ABTB1: variants seen among roughly 807,000 people sequenced by gnomAD.
ABTB1 encodes the protein ankyrin repeat and BTB domain containing 1, also known as ankyrin repeat and BTB/POZ domain-containing protein 1.
Under a neutral mutation model 57.1 loss-of-function variants are expected in ABTB1, and 45 were observed. The observed-to-expected ratio is 0.79, with a 90% CI of 0.62 to 1.01. ABTB1 has a LOEUF of 1.01. ABTB1 is among the 50% of genes least tolerant of loss of function. The pLI, the probability that ABTB1 is intolerant of heterozygous loss-of-function variation, is 0.00. For missense variants in ABTB1, 630 were observed against 666.3 expected (o/e 0.95, Z 0.60); for synonymous variants, 302 against 275.4 (o/e 1.10, Z -0.95).
intron 10 of ABTB1, chr3:127,678,318 G>A (rs1159640146): frequency 1.6e-4 from 5 of 30,450 alleles, no homozygotes; most frequent in Admixed American, 1.1e-3. Flanking sequence ...GTGTGTGTGT[G>A]CGTGCGCGTG....
In ABTB1 at chr3:127,673,101, G is replaced by C. The variant is rs2074885173; in HGVS notation, c.56+20G>C. ...AGTGCGGTGAGGACCTCGCAGTCCC[G>C]GGGAGGGTGCGGGAGGTGGCCGCCC... On this transcript the variant is annotated intron_variant, in intron 1 of 11. Transcript: ENST00000232744. 2 of 1,536,452 alleles carry C rather than the reference G, an allele frequency of 1.3e-6. No individual in the cohort carries two copies. Among genetic ancestry groups the C allele is most frequent in the South Asian group, 2.4e-5 (2 of 83,616 alleles).
At chr3:127,673,186 T>G in intron 1 of ABTB1, 105 bp downstream of exon 1, 2 of 1,254,178 alleles carry the variant, frequency 1.6e-6, no homozygotes, top group Non-Finnish European at 2.1e-6. Flanking sequence ...CGGGCGCCTC[T>G]GCCGGGTCAC....
rs745514156 is a variant in ABTB1 at position 127,680,740 on chromosome 3, G to A, written c.*265G>A. On this transcript the variant is annotated 3_prime_UTR_variant, in exon 12 of 12. Transcript: ENST00000232744. Reference sequence around the variant, plus strand: ...ACTCAGGGAAACCTGGGGTGGGGGTGGGCTTTGGTCTTAGCACTTTCCTTC... The same window carrying A: ...ACTCAGGGAAACCTGGGGTGGGGGTAGGCTTTGGTCTTAGCACTTTCCTTC... The A allele has an allele frequency of 1.6e-5, 11 of 672,966 alleles. No individual in the cohort carries two copies. Among genetic ancestry groups the A allele is most frequent in the African/African-American group, 7.2e-5 (4 of 55,772 alleles). The allele number at this position is 672,966 out of a possible 1,614,324, so 41.7% of individuals were successfully genotyped here.
rs1287853857 is a variant in ABTB1, at chr3:127,680,565, G to A, written c.*90G>A. On this transcript the variant is annotated 3_prime_UTR_variant, in exon 12 of 12. Transcript: ENST00000232744. The stretch of plus-strand genomic sequence containing the variant: ...TGTGCAGCTCTTCTTCCTGCTCCCT[G>A]CACATTGAGGGCTTCATGGGGGGTG... The A allele has an allele frequency of 2.0e-6, 3 of 1,482,100 alleles. No homozygotes were observed. The highest frequency in any genetic ancestry group is 4.5e-5 in the East Asian group (2 of 44,238). 91.8% of individuals were successfully genotyped at this position (1,482,100 alleles called of 1,614,324 possible). A position where few individuals can be genotyped will look rare whatever the true frequency, so the allele number is the denominator to read the frequency against.
rs912361129 is a variant in ABTB1 at position 127,677,678 on chromosome 3, C to G, written c.864C>G (p.Ala288=). The G allele has an allele frequency of 1.2e-6, 2 of 1,611,148 alleles. No homozygotes were observed. The highest frequency in any genetic ancestry group is 1.7e-6 in the Non-Finnish European group (2 of 1,178,738). The change falls in exon 10 of 12, where the codon GCC becomes GCG. Residue 288 remains alanine (A), a splice_region_variant and synonymous_variant. Coordinates refer to ENST00000232744, the MANE Select transcript of ABTB1 (RefSeq NM_172027.3). ...TTCCTGAGCCCGGCCTCCCCCAGGC[C>G]TTTTTCTGTGGCCGCAGTGACTACT... ...VAGCSFLCHK[A]FFCGRSDYFR... is the part of the protein sequence containing the mutation.
chr3:127,680,275 G>T lies in ABTB1; in HGVS notation c.1237G>T (p.Glu413Ter). ...YMAKVIEKLV[E>*]REDFVEAVKE... is the part of the protein sequence containing the mutation. ...TGGCCCTTCCCGCTCATAGCTGGTG[G>T]AGCGGGAGGACTTCGTGGAGGCGGT... Residue 413 changes from glutamate to a stop codon, truncating the protein, a stop_gained, in exon 12 of 12, where the codon GAG (glutamate) becomes TAG (stop). Coordinates refer to ENST00000232744, the MANE Select transcript of ABTB1 (RefSeq NM_172027.3). LOFTEE classifies it high-confidence loss of function. 2 of 1,613,482 alleles carry T rather than the reference G, an allele frequency of 1.2e-6. No homozygotes were observed. Among genetic ancestry groups the T allele is most frequent in the Admixed American group, 3.3e-5 (2 of 59,980 alleles).
rs955030968 is a variant in ABTB1 at position 127,674,200 on chromosome 3, C to T, written c.57-191C>T. 1.2e-5 allele frequency: 8 copies of T among 657,116 alleles called. No homozygotes were observed. In the African/African-American group the frequency reaches 1.3e-4, roughly 10 times the overall value. The allele number at this position is 657,116 out of a possible 1,614,324, so 40.7% of individuals were successfully genotyped here. A position where few individuals can be genotyped will look rare whatever the true frequency, so the allele number is the denominator to read the frequency against. On this transcript the variant is annotated intron_variant, in intron 1 of 11. Coordinates refer to ENST00000232744, the MANE Select transcript of ABTB1 (RefSeq NM_172027.3). ...AGCACACAGTGTCTGCCTGTTCGAC[C>T]CCACCTCCACATCCTTGCCTGCACT...
Position 127,676,013 on chromosome 3 carries a change from C to G in ABTB1, c.219C>G (p.Leu73=). 2 of 1,612,692 alleles carry G rather than the reference C, an allele frequency of 1.2e-6. No homozygotes were observed. The highest frequency in any genetic ancestry group is 1.1e-5 in the South Asian group (1 of 91,016). The part of the protein sequence containing the change: ...EANTFDGERC[L]YGALSDPIRR... ...ACACCTTCGATGGTGAGCGCTGCCT[C>G]TATGGGGCACTGAGTGACCCCATCC... Residue 73 remains leucine, a synonymous_variant, in exon 4 of 12, where the codon CTC becomes CTG. Transcript: ENST00000232744. This position sits in a 1 kb window ranked among gnomAD's most constrained non-coding sequence, Gnocchi z 5.4.
Position 127,677,088 on chromosome 3 carries a change from G to A in ABTB1, c.643+5G>A, listed in dbSNP as rs1045484265. ...GCGAGAAGGTGTCTGAGTTTGGTGC[G>A]AGCAGGGTTTGGGGCCCGGGGCCAT... On this transcript the variant is annotated splice_donor_5th_base_variant and intron_variant, in intron 7 of 11. Coordinates refer to ENST00000232744, the MANE Select transcript of ABTB1 (RefSeq NM_172027.3). The A allele has an allele frequency of 6.2e-7, 1 of 1,614,012 alleles. No individual in the cohort carries two copies. Among genetic ancestry groups the A allele is most frequent in the Non-Finnish European group, 8.5e-7 (1 of 1,179,954 alleles).
At chr3:127,674,145 C>T (rs748283145) in intron 1 of ABTB1, 8 of 550,812 alleles carry the variant, frequency 1.5e-5, no homozygotes, top group Non-Finnish European at 2.6e-5. Context: ...TGGCTTCTGT[C>T]CCTGTAGCCC....
At chr3:127,675,638 AGAGTAT>A in intron 3 of ABTB1, 1 of 334,720 alleles carries the variant, frequency 3.0e-6, no homozygotes, top group Non-Finnish European at 5.7e-6. Flanking sequence ...CTGCCTCACT[AGAGTAT>A]AAGTTCAGCA....
intron 3 of ABTB1, 84 bp from the exon 4 acceptor site, chr3:127,675,886 T>C: frequency 1.3e-6 from 2 of 1,530,728 alleles, no homozygotes; most frequent in Non-Finnish European, 1.8e-6. Flanking sequence ...GCCCCATGTG[T>C]GGGAAGGTGG....
Position 127,677,180 on chromosome 3 carries a change from C to T in ABTB1, c.656C>T (p.Pro219Leu), listed in dbSNP as rs996931934. ...TCTTCCCCTGTAGTGGCGTCTAAGCCAGGCACGTGTGTGAAGGTGCTGACC... is the reference window on the plus strand; with the variant it reads ...TCTTCCCCTGTAGTGGCGTCTAAGCTAGGCACGTGTGTGAAGGTGCTGACC... ...EKVSEFVASK[P>L]GTCVKVLTIE... The change falls in exon 8 of 12, where the codon CCA becomes CTA. Residue 219 changes from proline to leucine, a missense_variant. Transcript: ENST00000232744. 1.2e-6 allele frequency: 2 copies of T among 1,613,360 alleles called. No individual in the cohort carries two copies. Among genetic ancestry groups the T allele is most frequent in the Non-Finnish European group, 8.5e-7 (1 of 1,179,758 alleles).
chr3:127,679,929 GC>G (rs2075087532), intron 10 of ABTB1, 55 bp from the exon 11 acceptor site: 1 of 1,578,718 alleles, frequency 6.3e-7, no homozygotes, highest in African/African-American at 1.3e-5. Flanking sequence ...TGGCTGTTGT[GC>G]CCTGGGAGCC....
chr3:127,676,067 C>T lies in ABTB1; in HGVS notation c.273C>T (p.Val91=). Residue 91 remains valine, a synonymous_variant, in exon 4 of 12, where the codon GTC becomes GTT. Transcript: ENST00000232744. The surrounding 1 kb of genome is among the most constrained non-coding windows in gnomAD (Gnocchi z 5.4). ...IRRALRDYKQ[V]TASCRRRDYY... ...GGGCTCTACGCGATTACAAGCAGGTCACGGCTTCCTGCAGGAGGCGGGATT... is the reference window on the plus strand; with the variant it reads ...GGGCTCTACGCGATTACAAGCAGGTTACGGCTTCCTGCAGGAGGCGGGATT... 1 of 1,613,352 alleles carries T rather than the reference C, an allele frequency of 6.2e-7. No homozygotes were observed. Among genetic ancestry groups the T allele is most frequent in the Non-Finnish European group, 8.5e-7 (1 of 1,180,008 alleles).
At position 127,680,804 on chromosome 3, in the gene ABTB1, C is replaced by T; in HGVS notation, c.*329C>T. 1.5e-6 allele frequency: 1 copy of T among 654,382 alleles called. No homozygotes were observed. The highest frequency in any genetic ancestry group is 2.7e-6 in the Non-Finnish European group (1 of 367,216). 40.5% of individuals were successfully genotyped at this position (654,382 alleles called of 1,614,324 possible). Reference sequence around the variant, plus strand: ...TACCCACCCCAGTCCCAAATCCAGTCCTCTGGCCCTTGCCTAGCCCTGAAT... The same window carrying T: ...TACCCACCCCAGTCCCAAATCCAGTTCTCTGGCCCTTGCCTAGCCCTGAAT... On this transcript the variant is annotated 3_prime_UTR_variant, in exon 12 of 12. Coordinates refer to ENST00000232744, the MANE Select transcript of ABTB1 (RefSeq NM_172027.3).
At chr3:127,677,902 G>A in intron 10 of ABTB1, 59 bp downstream of exon 10, 1 of 1,570,972 alleles carries the variant, frequency 6.4e-7, no homozygotes. Flanking sequence ...GGGCTGAGAG[G>A]GAGCGCCAGG....
At chr3:127,673,908 C>T (rs1020792773) in intron 1 of ABTB1, among the ~76,000 whole-genome samples, 9 of 152,370 alleles carry the variant, frequency 5.9e-5, no homozygotes, top group African/African-American at 2.2e-4. Flanking sequence ...GGCGACTCCC[C>T]TCGCTCACCT....
At chr3:127,677,108 G>A in intron 7 of ABTB1, 25 bp downstream of exon 7, 1 of 1,613,760 alleles carries the variant, frequency 6.2e-7, no homozygotes, top group Non-Finnish European at 8.5e-7. Context: ...TGGGGCCCGG[G>A]GCCATGGGTG....
Sources: allele counts gnomAD v4.1 joint callset (sites outside exome capture counted in the v4.1 genomes callset), GRCh38; gene constraint gnomAD v4.1.1; non-coding constraint Gnocchi (gnomAD v3.1); transcripts MANE v1.5; gene names NCBI Gene and HGNC (gene_info 2026-07-23, HGNC 2026-07-21).